Variants in RLBP1 observed in about 807,000 individuals in gnomAD.
RLBP1 encodes retinaldehyde binding protein 1, also known as retinaldehyde-binding protein 1.
Under a neutral mutation model 36.2 loss-of-function variants are expected in RLBP1, and 26 were observed. The observed-to-expected ratio is 0.72, with a 90% CI of 0.53 to 1.00. The LOEUF is 1.00. Ranked by LOEUF, RLBP1 falls within the 50% of genes least tolerant of loss-of-function variation. The probability of loss-of-function intolerance (pLI) is 0.00; values close to 1 mark genes in which losing one functional copy is unlikely to be tolerated. For missense variants in RLBP1, 410 were observed against 402.4 expected (o/e 1.02, Z -0.16); for synonymous variants, 155 against 156.2 (o/e 0.99, Z 0.06).
At chr15:89,216,354 C>T (rs537687243) in intron 5 of RLBP1, among the ~76,000 whole-genome samples, 6 of 150,782 alleles carry the variant, frequency 4.0e-5, no homozygotes, top group Non-Finnish European at 5.9e-5. Context: ...TAGAGTTTTG[C>T]TCTTGTTGCC....
Position 89,214,816 on chromosome 15 carries a change from A to T in RLBP1, c.525+244T>A, listed in dbSNP as rs2150970246. 6.6e-6 allele frequency among the ~76,000 whole-genome samples: 1 copy of T among 152,350 alleles called. No homozygotes were observed. The highest frequency in any genetic ancestry group is 2.1e-4 in the South Asian group (1 of 4,832). On this transcript the variant is annotated intron_variant, in intron 6 of 8. Transcript: ENST00000268125. The surrounding 1 kb of genome is among the most constrained non-coding windows in gnomAD (Gnocchi z 4.6). ...CACTTGGCACTTGGCAGGGATACCC[A>T]GGAAGAGCCATGTATTATTGACCAT... is the stretch of plus-strand genomic sequence containing the variant.
chr15:89,216,986 A>AAGG, intron 5 of RLBP1, 134 bp downstream of exon 5: 1 of 854,954 alleles, frequency 1.2e-6, no homozygotes, highest in East Asian at 2.6e-5. Flanking sequence ...TTTTACAGGT[A>AAGG]AGGATGTGGA....
At position 89,211,383 on chromosome 15, in the gene RLBP1, C is replaced by G. The variant is rs2051536878; in HGVS notation, c.684+360G>C. Among the ~76,000 whole-genome samples the G allele has an allele frequency of 6.6e-6, 1 of 152,188 alleles. No homozygotes were observed. Among genetic ancestry groups the G allele is most frequent in the African/African-American group, 2.4e-5 (1 of 41,440 alleles). On this transcript the variant is annotated intron_variant, in intron 7 of 8. Coordinates refer to ENST00000268125, the MANE Select transcript of RLBP1 (RefSeq NM_000326.5). The surrounding 1 kb of genome is among the most constrained non-coding windows in gnomAD (Gnocchi z 5.8). ...AGAGAGGCAGTGCGACATATGTGGA[C>G]AGACAACATGGGATTCCAGGTCAGA...
chr15:89,217,161 G>C lies in RLBP1; in HGVS notation c.305C>G (p.Ala102Gly), dbSNP rs2051587319. ...DSGFFLRFIR[A>G]RKFNVGRAYE... The stretch of plus-strand genomic sequence containing the variant: ...GGCACGGCCCACGTTGAACTTCCGT[G>C]CGCGGATGAAGCGCAGGAAGAAGCC... The change falls in exon 5 of 9, where the codon GCA becomes GGA. Residue 102 changes from alanine to glycine, a missense_variant. By Grantham distance (60) the Ala-to-Gly change is moderately conservative. Coordinates refer to ENST00000268125, the MANE Select transcript of RLBP1 (RefSeq NM_000326.5). 1.2e-6 allele frequency: 2 copies of C among 1,613,944 alleles called. No homozygotes were observed. Among genetic ancestry groups the C allele is most frequent in the Admixed American group, 1.7e-5 (1 of 59,998 alleles).
rs751629025 is a variant in RLBP1, at chr15:89,209,908, G to A, written c.*377C>T. 5.0e-5 allele frequency: 15 copies of A among 300,870 alleles called. No individual in the cohort carries two copies. Among genetic ancestry groups the A allele is most frequent in the Admixed American group, 9.4e-5 (2 of 21,314 alleles). The allele number at this position is 300,870 out of a possible 1,614,324, so 18.6% of individuals were successfully genotyped here. A position where few individuals can be genotyped will look rare whatever the true frequency, so the allele number is the denominator to read the frequency against. On this transcript the variant is annotated 3_prime_UTR_variant, in exon 9 of 9. Transcript: ENST00000268125. ...TCTTCTTTTATTGCATTTTGGGGGC[G>A]AATAGGGGGATATTTTAACCCGGGC...
At chr15:89,216,361 T>C (rs1288185463) in intron 5 of RLBP1, among the ~76,000 whole-genome samples, 2 of 152,094 alleles carry the variant, frequency 1.3e-5, no homozygotes, top group African/African-American at 2.4e-5. Flanking sequence ...TTGCTCTTGT[T>C]GCCCAGGCTG....
chr15:89,220,159 C>A (rs112030828), intron 1 of RLBP1, among the ~76,000 whole-genome samples: 285 of 152,222 alleles, frequency 1.9e-3, no homozygotes, highest in Non-Finnish European at 2.7e-3. Context: ...GACACCAAGT[C>A]TTTTTTTGAC....
Position 89,214,544 on chromosome 15 carries a change from T to C in RLBP1, c.525+516A>G, listed in dbSNP as rs1465840225. On this transcript the variant is annotated intron_variant, in intron 6 of 8. Coordinates refer to ENST00000268125, the MANE Select transcript of RLBP1 (RefSeq NM_000326.5). The surrounding 1 kb of genome is among the most constrained non-coding windows in gnomAD (Gnocchi z 4.6). ...AATCTTTTTCAGGCTCAGTGGCGCA[T>C]GCCAAAGTTCTCCCAAGACAAACCC... 2.0e-5 allele frequency among the ~76,000 whole-genome samples: 3 copies of C among 152,202 alleles called. No homozygotes were observed. The highest frequency in any genetic ancestry group is 7.2e-5 in the African/African-American group (3 of 41,458).
chr15:89,218,808 C>T lies in RLBP1; in HGVS notation c.13-115G>A. ...GCCCAAGGTCATTGTTAAGCCTCCT[C>T]CTTTTGTGGGGTCAGGACCCACACA... On this transcript the variant is annotated intron_variant, in intron 3 of 8. Transcript: ENST00000268125. This position sits in a 1 kb window ranked among gnomAD's most constrained non-coding sequence, Gnocchi z 4.6. 1.3e-6 allele frequency: 2 copies of T among 1,564,276 alleles called. No individual in the cohort carries two copies. Among genetic ancestry groups the T allele is most frequent in the Non-Finnish European group, 1.7e-6 (2 of 1,145,150 alleles).
Position 89,211,485 on chromosome 15 carries a change from C to T in RLBP1, c.684+258G>A, listed in dbSNP as rs1451612574. 6.6e-6 allele frequency among the ~76,000 whole-genome samples: 1 copy of T among 152,132 alleles called. No individual in the cohort carries two copies. The highest frequency in any genetic ancestry group is 2.4e-5 in the African/African-American group (1 of 41,430). Reference sequence around the variant, plus strand: ...GATGTCTCTTAAATCTCTGAGCCTTCGTTTCCAGGTTTGAAAAATGAAGCA... The same window carrying T: ...GATGTCTCTTAAATCTCTGAGCCTTTGTTTCCAGGTTTGAAAAATGAAGCA... On this transcript the variant is annotated intron_variant, in intron 7 of 8. Transcript: ENST00000268125. The surrounding 1 kb of genome is among the most constrained non-coding windows in gnomAD (Gnocchi z 5.8).
At position 89,218,574 on chromosome 15, in the gene RLBP1, GGT is replaced by G. The variant is rs1596185276; in HGVS notation, c.130_131del (p.Thr44LeufsTer7). On this transcript the variant is annotated frameshift_variant, in exon 4 of 9. Coordinates refer to ENST00000268125, the MANE Select transcript of RLBP1 (RefSeq NM_000326.5). LOFTEE classifies it high-confidence loss of function. This position sits in a 1 kb window ranked among gnomAD's most constrained non-coding sequence, Gnocchi z 4.6. ...CTGTCAGCCACCTCACCTTCTGCAAGGTGTGGCGGGGCAGCTGGCTGCACGGG... is the reference window on the plus strand; with the variant it reads ...CTGTCAGCCACCTCACCTTCTGCAAGGTGGCGGGGCAGCTGGCTGCACGGG... The part of the protein sequence containing the change: ...FGPCSQLPRH[T>X]LQKAKDELNE... The G allele has an allele frequency of 1.2e-6, 2 of 1,613,844 alleles. No homozygotes were observed. Among genetic ancestry groups the G allele is most frequent in the Non-Finnish European group, 1.7e-6 (2 of 1,179,930 alleles).
At chr15:89,216,320 T>C (rs1409976259) in intron 5 of RLBP1, among the ~76,000 whole-genome samples, 1 of 150,672 alleles carries the variant, frequency 6.6e-6, no homozygotes, top group Non-Finnish European at 1.5e-5. Flanking sequence ...CCCCTTTTTT[T>C]TTTTCTTTCT....
chr15:89,216,986 A>T, intron 5 of RLBP1, 134 bp downstream of exon 5: 1 of 854,952 alleles, frequency 1.2e-6, no homozygotes, highest in African/African-American at 1.7e-5. Flanking sequence ...TTTTACAGGT[A>T]AGGATGTGGA....
chr15:89,219,190 A>T, intron 2 of RLBP1, 115 bp from the exon 3 acceptor site: 1 of 633,834 alleles, frequency 1.6e-6, no homozygotes, highest in Non-Finnish European at 2.8e-6. Flanking sequence ...CTGGGTCCCA[A>T]CCTCCATGAT....
In RLBP1 at chr15:89,214,334, G is replaced by A. The variant is rs146415171; in HGVS notation, c.525+726C>T. 2.6e-3 allele frequency among the ~76,000 whole-genome samples: 390 copies of A among 152,194 alleles called. 5 individuals carry two copies. The highest frequency in any genetic ancestry group is 9.0e-3 in the African/African-American group (373 of 41,526). ...ACATTAGCTGGGCATGGTGGCGTGC[G>A]TCTGTAATCCCAGCTACTTGGAAGG... is the stretch of plus-strand genomic sequence containing the variant. On this transcript the variant is annotated intron_variant, in intron 6 of 8. Transcript: ENST00000268125. The surrounding 1 kb of genome is among the most constrained non-coding windows in gnomAD (Gnocchi z 4.6).
chr15:89,217,080 C>T (rs768079023), intron 5 of RLBP1, 40 bp downstream of exon 5: 15 of 1,603,324 alleles, frequency 9.4e-6, no homozygotes, highest in Admixed American at 1.7e-5. Flanking sequence ...CTCATGGCCT[C>T]CCGTCTTCCC....
At chr15:89,216,957 C>T (rs1170481501) in intron 5 of RLBP1, among the ~76,000 whole-genome samples, 163 bp downstream of exon 5, 1 of 152,224 alleles carries the variant, frequency 6.6e-6, no homozygotes, top group Admixed American at 6.5e-5. Context: ...TTCGTTCGCT[C>T]ATTATCAGAG....
rs2051566843 is a variant in RLBP1, at chr15:89,214,950, C to G, written c.525+110G>C. The G allele has an allele frequency of 8.5e-7, 1 of 1,181,634 alleles. No homozygotes were observed. The highest frequency in any genetic ancestry group is 1.3e-6 in the Non-Finnish European group (1 of 795,064). 73.2% of individuals were successfully genotyped at this position (1,181,634 alleles called of 1,614,324 possible). A position where few individuals can be genotyped will look rare whatever the true frequency, so the allele number is the denominator to read the frequency against. Reference sequence around the variant, plus strand: ...TGGCAGGTGGCTGCCCACCTTTCCCCCTCTACAGACCTTGCCTCCTGGAGA... The same window carrying G: ...TGGCAGGTGGCTGCCCACCTTTCCCGCTCTACAGACCTTGCCTCCTGGAGA... On this transcript the variant is annotated intron_variant, in intron 6 of 8. Transcript: ENST00000268125. This position sits in a 1 kb window ranked among gnomAD's most constrained non-coding sequence, Gnocchi z 4.6.
rs140570189 is a variant in RLBP1 at position 89,210,422 on chromosome 15, G to A, written c.817C>T (p.Leu273Phe). The change falls in exon 9 of 9, where the codon CTT becomes TTT. Residue 273 changes from leucine (L) to phenylalanine (F), a missense_variant. Transcript: ENST00000268125. The surrounding 1 kb of genome is among the most constrained non-coding windows in gnomAD (Gnocchi z 4.7). ...TCGATCTCCTGGTAGAAACCAGAAAGGTCATCCCCGTGGACAAAGACCTGC... is the reference window on the plus strand; with the variant it reads ...TCGATCTCCTGGTAGAAACCAGAAAAGTCATCCCCGTGGACAAAGACCTGC... ...LERVFVHGDD[L>F]SGFYQEIDEN... 3.3e-4 allele frequency: 529 copies of A among 1,614,200 alleles called. 2 individuals are homozygous for A. In the African/African-American group the frequency reaches 6.7e-3, roughly 21 times the overall value.
Sources: allele counts gnomAD v4.1 joint callset (sites outside exome capture counted in the v4.1 genomes callset), GRCh38; gene constraint gnomAD v4.1.1; non-coding constraint Gnocchi (gnomAD v3.1); transcripts MANE v1.5; gene names NCBI Gene and HGNC (gene_info 2026-07-23, HGNC 2026-07-21).